Variants in ARL5A observed in about 807,000 individuals in gnomAD.
ARL5A encodes ADP-ribosylation factor-like protein 5A.
A neutral mutation model predicts 25.9 loss-of-function variants in ARL5A; 18 were observed. The observed-to-expected ratio is 0.69, with a 90% CI of 0.48 to 1.03. ARL5A has a LOEUF of 1.03. Among genes scored for constraint, ARL5A ranks in the 50% least tolerant of loss-of-function variants. The pLI is 0.00. For missense variants in ARL5A, 170 were observed against 211.9 expected (o/e 0.80, Z 1.23); for synonymous variants, 61 against 67.5 (o/e 0.90, Z 0.47).
At chr2:151,809,767 T>C (rs1237489570) in intron 4 of ARL5A, among the ~76,000 whole-genome samples, 2 of 152,210 alleles carry the variant, frequency 1.3e-5, no homozygotes, top group African/African-American at 2.4e-5. Flanking sequence ...CTATATACCA[T>C]ATATAGTTGT....
At chr2:151,820,954 T>C (rs1052111723) in intron 1 of ARL5A, among the ~76,000 whole-genome samples, 3 of 152,144 alleles carry the variant, frequency 2.0e-5, no homozygotes, top group Non-Finnish European at 4.4e-5. Flanking sequence ...CCCATAACCT[T>C]CTGTCTGCAC....
chr2:151,826,174 G>A (rs916377259), intron 1 of ARL5A, among the ~76,000 whole-genome samples: 6 of 152,064 alleles, frequency 3.9e-5, no homozygotes, highest in Non-Finnish European at 4.4e-5. Context: ...TAGATTAAAT[G>A]GTGGATATTC....
chr2:151,806,862 G>A lies in ARL5A; in HGVS notation c.450C>T (p.His150=). 1 of 1,613,362 alleles carries A rather than the reference G, an allele frequency of 6.2e-7. No individual in the cohort carries two copies. Among genetic ancestry groups the A allele is most frequent in the African/African-American group, 1.3e-5 (1 of 75,000 alleles). ...CACAGCATGCCTGGATATGCCACTG[G>A]TGATCTTTAATAGAAGTTAGCTTCA... ...QFLKLTSIKD[H]QWHIQACCAL... Residue 150 remains histidine (H), a synonymous_variant, in exon 5 of 6, where the codon CAC becomes CAT. Coordinates refer to ENST00000295087, the MANE Select transcript of ARL5A (RefSeq NM_012097.4).
In ARL5A at chr2:151,812,355, A is replaced by C; in HGVS notation, c.339+2T>G. The C allele has an allele frequency of 9.9e-5, 140 of 1,418,384 alleles. No homozygotes were observed. The highest frequency in any genetic ancestry group is 1.3e-4 in the Non-Finnish European group (129 of 1,011,190). 87.9% of individuals were successfully genotyped at this position (1,418,384 alleles called of 1,614,324 possible). On this transcript the variant is annotated splice_donor_variant, in intron 4 of 5. Transcript: ENST00000295087. LOFTEE classifies it high-confidence loss of function. ...TCTAATGTAAAAAGACTACTTACTT[A>C]CCTCATGCGCTAACATTTTATAGAG...
chr2:151,812,674 A>G (rs778209563), intron 3 of ARL5A, among the ~76,000 whole-genome samples: 5 of 152,188 alleles, frequency 3.3e-5, no homozygotes, highest in Non-Finnish European at 7.4e-5. Context: ...ACTAATATAT[A>G]TAACGCATGT....
At chr2:151,824,272 G>A (rs73967703) in intron 1 of ARL5A, among the ~76,000 whole-genome samples, 18 of 152,274 alleles carry the variant, frequency 1.2e-4, no homozygotes, top group African/African-American at 3.6e-4. Flanking sequence ...TTCTGAGCAC[G>A]TATAAAGCAA....
intron 5 of ARL5A, among the ~76,000 whole-genome samples, chr2:151,805,508 A>G (rs1233360366): frequency 6.6e-6 from 1 of 152,194 alleles, no homozygotes; most frequent in East Asian, 1.9e-4. Flanking sequence ...ATCATGCATC[A>G]TTTAATGACA....
At chr2:151,804,669 A>G (rs1433926932) in intron 5 of ARL5A, among the ~76,000 whole-genome samples, 2 of 152,208 alleles carry the variant, frequency 1.3e-5, no homozygotes, top group African/African-American at 4.8e-5. Flanking sequence ...GTTACCTAAT[A>G]GCAAACTAGA....
At chr2:151,805,122 T>C (rs1459386455) in intron 5 of ARL5A, among the ~76,000 whole-genome samples, 1 of 152,188 alleles carries the variant, frequency 6.6e-6, no homozygotes, top group African/African-American at 2.4e-5. Flanking sequence ...TTGACAAAGA[T>C]ATATATATTA....
intron 1 of ARL5A, among the ~76,000 whole-genome samples, chr2:151,821,995 G>A (rs2099832404): frequency 6.6e-6 from 1 of 151,908 alleles, no homozygotes; most frequent in Non-Finnish European, 1.5e-5. Flanking sequence ...AACTACAGGT[G>A]CGCACCACCA....
At chr2:151,812,503 G>A (rs2099830968) in intron 3 of ARL5A, 63 bp from the exon 4 acceptor site, 2 of 1,095,122 alleles carry the variant, frequency 1.8e-6, no homozygotes, top group Non-Finnish European at 2.6e-6. Flanking sequence ...AATTTATAAT[G>A]TGTTTATTTG....
At chr2:151,807,488 A>C (rs1484024175) in intron 4 of ARL5A, among the ~76,000 whole-genome samples, 1 of 152,166 alleles carries the variant, frequency 6.6e-6, no homozygotes, top group Non-Finnish European at 1.5e-5. Flanking sequence ...TTTCCCAATC[A>C]GGATTCCACA....
intron 1 of ARL5A, among the ~76,000 whole-genome samples, chr2:151,816,012 C>A (rs35801458): frequency 6.6e-6 from 1 of 152,176 alleles, no homozygotes; most frequent in Non-Finnish European, 1.5e-5. Context: ...CATGCCCTTA[C>A]GTAGCCGCCT....
chr2:151,816,937 T>G (rs2151295331), intron 1 of ARL5A, among the ~76,000 whole-genome samples: 1 of 152,298 alleles, frequency 6.6e-6, no homozygotes, highest in Non-Finnish European at 1.5e-5. Flanking sequence ...TGAGCACATT[T>G]AAGGTAGGCT....
chr2:151,803,332 GAAAAC>G lies in ARL5A; in HGVS notation c.492-13_492-9del. 3 of 1,609,348 alleles carry G rather than the reference GAAAAC, an allele frequency of 1.9e-6. No individual in the cohort carries two copies. In the South Asian group the frequency reaches 3.3e-5, roughly 18 times the overall value. ...TCAAGTCCTTGGCACAATCTATAAAGAAAACAAAATCATTTGATTAAATTCTGAAC... is the reference window on the plus strand; with the variant it reads ...TCAAGTCCTTGGCACAATCTATAAAGAAAATCATTTGATTAAATTCTGAAC... On this transcript the variant is annotated splice_polypyrimidine_tract_variant and intron_variant, in intron 5 of 5. Transcript: ENST00000295087.
chr2:151,800,779 G>A lies in ARL5A; in HGVS notation c.*2497C>T, dbSNP rs1001326116. On this transcript the variant is annotated 3_prime_UTR_variant, in exon 6 of 6. Coordinates refer to ENST00000295087, the MANE Select transcript of ARL5A (RefSeq NM_012097.4). ...GGTTACTTTTGCCCAGATATCAAAA[G>A]AAGTTACATGACTTTCAAAATTAGT... The A allele has an allele frequency of 9.8e-5, 15 of 152,376 alleles. No homozygotes were observed. The highest frequency in any genetic ancestry group is 2.2e-4 in the Non-Finnish European group (15 of 67,974). The allele number at this position is 152,376 out of a possible 1,614,324, so 9.4% of individuals were successfully genotyped here.
chr2:151,827,886 G>A, intron 1 of ARL5A: 1 of 526,866 alleles, frequency 1.9e-6, no homozygotes, highest in Non-Finnish European at 3.3e-6. Flanking sequence ...TCGGAGCAAT[G>A]GGTCTATTAC....
chr2:151,821,229 C>T (rs1341449587), intron 1 of ARL5A, among the ~76,000 whole-genome samples: 2 of 152,222 alleles, frequency 1.3e-5, no homozygotes, highest in African/African-American at 4.8e-5. Flanking sequence ...TTCCTATATA[C>T]TTACAAATGC....
rs1417018758 is a variant in ARL5A, at chr2:151,828,207, A to T, written c.-31T>A. 16 of 1,582,296 alleles carry T rather than the reference A, an allele frequency of 1.0e-5. No homozygotes were observed. The highest frequency in any genetic ancestry group is 1.4e-5 in the Non-Finnish European group (16 of 1,157,392). ...GGCAGCGGACCCCCCCCCTCCAGACACCCGGGCCGCCTGGCTTCCCCCGGC... is the reference window on the plus strand; with the variant it reads ...GGCAGCGGACCCCCCCCCTCCAGACTCCCGGGCCGCCTGGCTTCCCCCGGC... On this transcript the variant is annotated 5_prime_UTR_variant, in exon 1 of 6. Transcript: ENST00000295087.
Sources: allele counts gnomAD v4.1 joint callset (sites outside exome capture counted in the v4.1 genomes callset), GRCh38; gene constraint gnomAD v4.1.1; transcripts MANE v1.5; gene names NCBI Gene and HGNC (gene_info 2026-07-23, HGNC 2026-07-21).